ANKIB1: variants seen among roughly 807,000 people sequenced by gnomAD.
ANKIB1 encodes ankyrin repeat and IBR domain-containing protein 1.
A neutral mutation model predicts 122.1 loss-of-function variants in ANKIB1; 43 were observed. The ratio of observed to expected loss-of-function variants is 0.35; its 90% CI spans 0.28 to 0.45. The LOEUF (loss-of-function observed/expected upper bound fraction) is 0.45. ANKIB1 is among the 20% of genes least tolerant of loss of function. ANKIB1 has a pLI of 1.00. For synonymous variants in ANKIB1, 390 were observed against 442.0 expected (o/e 0.88, Z 1.48); for missense variants, 992 against 1,329.5 (o/e 0.75, Z 3.95).
intron 1 of ANKIB1, among the ~76,000 whole-genome samples, chr7:92,289,746 A>T (rs982000849): frequency 3.3e-5 from 5 of 152,196 alleles, no homozygotes; most frequent in African/African-American, 4.8e-5. Context: ...ACAGGTTGAG[A>T]GCTTAGTATT....
intron 9 of ANKIB1, among the ~76,000 whole-genome samples, chr7:92,355,860 AATAAT>A (rs1259268815): frequency 6.8e-6 from 1 of 146,070 alleles, no homozygotes; most frequent in Admixed American, 6.8e-5. Context: ...TAATAATAAT[AATAAT>A]AATAATAATA....
chr7:92,391,214 C>T lies in ANKIB1; in HGVS notation c.2101C>T (p.Pro701Ser), dbSNP rs746389506. 2 of 1,613,240 alleles carry T rather than the reference C, an allele frequency of 1.2e-6. No homozygotes were observed. Among genetic ancestry groups the T allele is most frequent in the South Asian group, 1.1e-5 (1 of 91,040 alleles). Reference protein sequence around the residue: ...TEDLAQKVNRPYLRTPRHKII... With the variant: ...TEDLAQKVNRSYLRTPRHKII... ...AGACCTTGCCCAGAAAGTCAATAGG[C>T]CTTACCTTCGCACACCCCGCCACAA... The change falls in exon 16 of 20, where the codon CCT becomes TCT. Residue 701 changes from proline to serine, a missense_variant. Physicochemically the swap from Pro to Ser is moderately conservative, Grantham distance 74 (BLOSUM62 -1). Coordinates refer to ENST00000265742, the MANE Select transcript of ANKIB1 (RefSeq NM_019004.2).
At chr7:92,396,545 G>A (rs1804896636) in intron 18 of ANKIB1, 69 bp downstream of exon 18, 1 of 764,588 alleles carries the variant, frequency 1.3e-6, no homozygotes. Flanking sequence ...ACTGGCTGAT[G>A]TAAATTTTTG....
In ANKIB1 at chr7:92,373,043, A is replaced by G. The variant is rs78271763; in HGVS notation, c.1617+1436A>G. ...GAATGGCAGTTACAAAATAATTTTT[A>G]TAAGTCTGTATTACTGTAAAATTAA... On this transcript the variant is annotated intron_variant, in intron 11 of 19. Coordinates refer to ENST00000265742, the MANE Select transcript of ANKIB1 (RefSeq NM_019004.2). Among the ~76,000 whole-genome samples, 21 of 152,314 alleles carry G rather than the reference A, an allele frequency of 1.4e-4. No homozygotes were observed. In the East Asian group the frequency reaches 3.5e-3, roughly 25 times the overall value.
intron 2 of ANKIB1, 36 bp from the exon 3 acceptor site, chr7:92,307,323 T>G: frequency 6.4e-7 from 1 of 1,552,306 alleles, no homozygotes; most frequent in Non-Finnish European, 8.7e-7. Flanking sequence ...AATAAGTGAT[T>G]TTCATCCTTT....
At chr7:92,375,728 A>G (rs766973531) in intron 11 of ANKIB1, among the ~76,000 whole-genome samples, 1 of 152,310 alleles carries the variant, frequency 6.6e-6, no homozygotes, top group African/African-American at 2.4e-5. Flanking sequence ...TGAATCACAA[A>G]TGTTCTTAAT....
At chr7:92,305,346 C>T (rs1802539564) in intron 2 of ANKIB1, among the ~76,000 whole-genome samples, 1 of 152,200 alleles carries the variant, frequency 6.6e-6, no homozygotes, top group Non-Finnish European at 1.5e-5. Flanking sequence ...AGAGATTCCC[C>T]AGTCCCATGT....
chr7:92,279,373 C>G (rs1189981601), intron 1 of ANKIB1, among the ~76,000 whole-genome samples: 1 of 152,130 alleles, frequency 6.6e-6, no homozygotes, highest in Non-Finnish European at 1.5e-5. Context: ...TAGCTTTTGG[C>G]AGGAATCACA....
intron 10 of ANKIB1, among the ~76,000 whole-genome samples, chr7:92,368,385 A>T (rs1804147245): frequency 6.6e-6 from 1 of 151,536 alleles, no homozygotes; most frequent in Admixed American, 6.6e-5. Context: ...ATCTCACCAG[A>T]TAGATTGAAG....
At chr7:92,352,215 A>G (rs1011778674) in intron 8 of ANKIB1, among the ~76,000 whole-genome samples, 1 of 152,206 alleles carries the variant, frequency 6.6e-6, no homozygotes, top group African/African-American at 2.4e-5. Flanking sequence ...TTGCTTTATC[A>G]TCATTTACAT....
At chr7:92,373,417 C>T (rs1422063344) in intron 11 of ANKIB1, among the ~76,000 whole-genome samples, 2 of 152,098 alleles carry the variant, frequency 1.3e-5, no homozygotes, top group Non-Finnish European at 2.9e-5. Flanking sequence ...TGAATGTTTT[C>T]ATGAATTAAT....
intron 2 of ANKIB1, among the ~76,000 whole-genome samples, chr7:92,296,680 C>A (rs1300241881): frequency 6.6e-6 from 1 of 152,076 alleles, no homozygotes; most frequent in Non-Finnish European, 1.5e-5. Flanking sequence ...CTTCTCTCTG[C>A]CTACCTATAT....
chr7:92,387,899 A>T lies in ANKIB1; in HGVS notation c.1839+15A>T. On this transcript the variant is annotated intron_variant, in intron 13 of 19. Transcript: ENST00000265742. The stretch of plus-strand genomic sequence containing the variant: ...ATAGTTATCAGGTATGTCCCAAATC[A>T]TTTCAAATGAGCTGACCTATACTGT... 6.2e-7 allele frequency: 1 copy of T among 1,610,680 alleles called. No individual in the cohort carries two copies. Among genetic ancestry groups the T allele is most frequent in the Non-Finnish European group, 8.5e-7 (1 of 1,177,784 alleles).
intron 2 of ANKIB1, among the ~76,000 whole-genome samples, chr7:92,298,905 C>A (rs1802408177): frequency 6.6e-6 from 1 of 152,028 alleles, no homozygotes; most frequent in African/African-American, 2.4e-5. Context: ...ATGCATAAAG[C>A]ATTTCTGCTA....
chr7:92,285,768 TATG>T (rs1802110560), intron 1 of ANKIB1, among the ~76,000 whole-genome samples: 1 of 152,188 alleles, frequency 6.6e-6, no homozygotes, highest in African/African-American at 2.4e-5. Flanking sequence ...CACTAAAAAC[TATG>T]ATGAACTAAA....
At chr7:92,373,943 T>C (rs1026317193) in intron 11 of ANKIB1, among the ~76,000 whole-genome samples, 2 of 152,248 alleles carry the variant, frequency 1.3e-5, no homozygotes, top group Non-Finnish European at 2.9e-5. Context: ...TCTGTATAAC[T>C]GTATGCTATA....
chr7:92,292,374 A>AT (rs890903217), intron 1 of ANKIB1, among the ~76,000 whole-genome samples: 41 of 152,266 alleles, frequency 2.7e-4, no homozygotes, highest in Admixed American at 2.5e-3. Context: ...AGTATTATAG[A>AT]TTTTTTTTAA....
chr7:92,346,718 C>CTA (rs1445554780), intron 7 of ANKIB1, among the ~76,000 whole-genome samples: 1 of 152,164 alleles, frequency 6.6e-6, no homozygotes. Flanking sequence ...TACCTGAGCT[C>CTA]TACCAAGTTA....
intron 5 of ANKIB1, among the ~76,000 whole-genome samples, chr7:92,336,323 C>G (rs571945100): frequency 6.6e-6 from 1 of 151,794 alleles, no homozygotes; most frequent in Non-Finnish European, 1.5e-5. Context: ...AATTTACACT[C>G]GGTTCTTTTT....
Sources: gnomAD v4.1 joint callset for allele counts (sites outside exome capture counted in the v4.1 genomes callset) on GRCh38, gnomAD v4.1.1 for gene constraint, MANE v1.5 for transcripts, NCBI Gene and HGNC (gene_info 2026-07-23, HGNC 2026-07-21) for gene names.